Variants in GGNBP2 observed in about 807,000 individuals in gnomAD.
GGNBP2 encodes the protein gametogenetin binding protein 2, also known as gametogenetin-binding protein 2.
A neutral mutation model predicts 85.9 loss-of-function variants in GGNBP2; 10 were observed. That is an observed-to-expected ratio of 0.12 (90% CI 0.07 to 0.20). GGNBP2 has a LOEUF of 0.20. Ranked by LOEUF, GGNBP2 falls within the 10% of genes least tolerant of loss-of-function variation. The probability of loss-of-function intolerance (pLI) is 1.00; values close to 1 mark genes in which losing one functional copy is unlikely to be tolerated. For synonymous variants in GGNBP2, 287 were observed against 285.7 expected (o/e 1.00, Z -0.05); for missense variants, 595 against 857.8 (o/e 0.69, Z 3.83).
Position 36,586,190 on chromosome 17 carries a change from G to A in GGNBP2, c.1633G>A (p.Asp545Asn). ...GAAGAAAAGCAAGATACTGAAATGT[G>A]ATGAACATGTAAGTGTCATAACTTG... is the stretch of plus-strand genomic sequence containing the variant. ...KKKKSKILKC[D>N]EHIQKLGSCI... The change falls in exon 12 of 14, where the codon GAT becomes AAT. Residue 545 changes from aspartate to asparagine, a missense_variant. Asp to Asn is a conservative substitution (Grantham distance 23, BLOSUM62 1). Transcript: ENST00000613102. 6.2e-7 allele frequency: 1 copy of A among 1,611,818 alleles called. No individual in the cohort carries two copies. Among genetic ancestry groups the A allele is most frequent in the Admixed American group, 1.7e-5 (1 of 59,866 alleles).
intron 4 of GGNBP2, among the ~76,000 whole-genome samples, chr17:36,559,283 C>CGAG (rs2074393751): frequency 8.2e-6 from 1 of 121,920 alleles, no homozygotes; most frequent in Admixed American, 1.1e-4. Flanking sequence ...GGCAACAGAG[C>CGAG]GAGACTCTGT....
intron 2 of GGNBP2, among the ~76,000 whole-genome samples, chr17:36,552,123 A>G (rs1320925997): frequency 6.6e-6 from 1 of 152,226 alleles, no homozygotes; most frequent in African/African-American, 2.4e-5. Flanking sequence ...AAATGAAAAT[A>G]TAAATCAAGG....
At chr17:36,550,359 C>T (rs1599496377) in intron 2 of GGNBP2, among the ~76,000 whole-genome samples, 1 of 151,988 alleles carries the variant, frequency 6.6e-6, no homozygotes, top group East Asian at 1.9e-4. Context: ...GCATGTACAG[C>T]ATTAATCTGG....
At position 36,557,137 on chromosome 17, in the gene GGNBP2, C is replaced by T. The variant is rs1244215534; in HGVS notation, c.229C>T (p.Arg77Cys). 10 of 1,614,088 alleles carry T rather than the reference C, an allele frequency of 6.2e-6. No homozygotes were observed. Among genetic ancestry groups the T allele is most frequent in the Non-Finnish European group, 5.9e-6 (7 of 1,180,006 alleles). The change falls in exon 4 of 14, where the codon CGC (arginine) becomes TGC (cysteine). Residue 77 changes from arginine (R) to cysteine (C), a missense_variant. By Grantham distance (180) the Arg-to-Cys change is radical. Around this residue, in one of 9 missense-constraint regions of GGNBP2, gnomAD observed 216 missense variants for 293.4 expected, o/e 0.74. Coordinates refer to ENST00000613102, the MANE Select transcript of GGNBP2 (RefSeq NM_024835.5). ...DLSIAMVVTS[R>C]EVLSALSQLV... is the part of the protein sequence containing the mutation. ...AAGTATTGCCATGGTGGTGACATCA[C>T]GCGAAGTCCTGAGTGCACTTTCTCA... is the stretch of plus-strand genomic sequence containing the variant.
intron 5 of GGNBP2, among the ~76,000 whole-genome samples, chr17:36,562,878 T>C (rs1599516924): frequency 7.2e-6 from 1 of 139,186 alleles, no homozygotes; most frequent in East Asian, 2.1e-4. Context: ...GGCAGGAGAA[T>C]TGCTTGAACC....
At chr17:36,562,643 T>TC (rs1221197487) in intron 5 of GGNBP2, among the ~76,000 whole-genome samples, 1 of 151,436 alleles carries the variant, frequency 6.6e-6, no homozygotes, top group Non-Finnish European at 1.5e-5. Context: ...TAAGTTTTTT[T>TC]CCCCTATACC....
At position 36,579,400 on chromosome 17, in the gene GGNBP2, C is replaced by G; in HGVS notation, c.1001C>G (p.Ala334Gly). The stretch of plus-strand genomic sequence containing the variant: ...ATGCTTTTCTATCTTGGTGTTGATG[C>G]TTTACGCAAGAGTTTTGAGGTAAGA... ...WQMLFYLGVD[A>G]LRKSFEMTVE... Residue 334 changes from alanine (A) to glycine (G), a missense_variant, in exon 8 of 14, where the codon GCT becomes GGT. Physicochemically the swap from Ala to Gly is moderately conservative, Grantham distance 60. Transcript: ENST00000613102. The G allele has an allele frequency of 6.2e-7, 1 of 1,614,120 alleles. No homozygotes were observed. The highest frequency in any genetic ancestry group is 8.5e-7 in the Non-Finnish European group (1 of 1,180,000).
Position 36,581,496 on chromosome 17 carries a change from T to G in GGNBP2, c.1173T>G (p.Thr391=). ...RKNKCVCDIP[T]PLQTADEKEV... is the part of the protein sequence containing the mutation. ...ATAAGTGTGTGTGTGATATTCCTAC[T>G]CCCTTACAAACAGCAGATGAAAAGG... The change falls in exon 9 of 14, where the codon ACT becomes ACG. Residue 391 remains threonine, a synonymous_variant. Coordinates refer to ENST00000613102, the MANE Select transcript of GGNBP2 (RefSeq NM_024835.5). 6.2e-7 allele frequency: 1 copy of G among 1,611,350 alleles called. No individual in the cohort carries two copies.
At chr17:36,560,659 A>C in intron 4 of GGNBP2, 114 bp from the exon 5 acceptor site, 1 of 607,708 alleles carries the variant, frequency 1.6e-6, no homozygotes, top group Non-Finnish European at 2.8e-6. Flanking sequence ...GGATAGAGAA[A>C]AGTGGTTTTT....
Position 36,545,625 on chromosome 17 carries a change from G to A in GGNBP2, c.-100G>A, listed in dbSNP as rs1202214656. ...CGGGGTTTGGCTGTTGCAGGCAGGA[G>A]CTGGGAGGAGGCGGCAGCGGCGGCG... On this transcript the variant is annotated 5_prime_UTR_variant, in exon 2 of 14. Transcript: ENST00000613102. The A allele has an allele frequency of 1.8e-5, 16 of 898,060 alleles. No individual in the cohort carries two copies. In the East Asian group the frequency reaches 4.0e-4, roughly 22 times the overall value. The allele number at this position is 898,060 out of a possible 1,614,324, so 55.6% of individuals were successfully genotyped here. A position where few individuals can be genotyped will look rare whatever the true frequency, so the allele number is the denominator to read the frequency against.
At chr17:36,546,512 T>TGAG (rs2074256953) in intron 2 of GGNBP2, 1 of 152,172 alleles carries the variant, frequency 6.6e-6, no homozygotes, top group Non-Finnish European at 1.5e-5. Flanking sequence ...TTGCTCATCT[T>TGAG]GAGTGTCAAG....
At chr17:36,581,714 T>G in intron 9 of GGNBP2, 176 bp downstream of exon 9, 1 of 395,310 alleles carries the variant, frequency 2.5e-6, no homozygotes, top group Non-Finnish European at 4.5e-6. Context: ...GATCTCTATC[T>G]CTATTTATTT....
intron 8 of GGNBP2, 138 bp downstream of exon 8, chr17:36,579,557 TG>T (rs2074625074): frequency 7.0e-6 from 5 of 709,976 alleles, no homozygotes; most frequent in Non-Finnish European, 1.2e-5. Flanking sequence ...TATTGTTACA[TG>T]GCTTTGGGTT....
Position 36,585,289 on chromosome 17 carries a change from G to C in GGNBP2, c.1216-11G>C, listed in dbSNP as rs2142787504. ...AAGCTCTTGACTCTCTCTTAATGTT[G>C]ATCCTTAAAGGAAACAGACTTCATA... On this transcript the variant is annotated splice_polypyrimidine_tract_variant and intron_variant, in intron 9 of 13. Transcript: ENST00000613102. The C allele has an allele frequency of 3.1e-6, 5 of 1,608,792 alleles. No individual in the cohort carries two copies. In the South Asian group the frequency reaches 5.6e-5, roughly 18 times the overall value.
intron 2 of GGNBP2, among the ~76,000 whole-genome samples, chr17:36,553,278 A>G (rs1181607076): frequency 6.6e-6 from 1 of 152,230 alleles, no homozygotes; most frequent in African/African-American, 2.4e-5. Context: ...TGTGTTGCAC[A>G]TGCAGTCTGG....
intron 6 of GGNBP2, chr17:36,576,595 A>ATATATATATGTG (rs748348633): frequency 3.5e-4 from 18 of 51,492 alleles, no homozygotes; most frequent in South Asian, 9.2e-4. Flanking sequence ...ATATATATAT[A>ATATATATATGTG]TGTGTGTGTG....
At chr17:36,552,785 C>G (rs1005544138) in intron 2 of GGNBP2, among the ~76,000 whole-genome samples, 2 of 152,152 alleles carry the variant, frequency 1.3e-5, no homozygotes, top group Non-Finnish European at 2.9e-5. Context: ...CTTTGGGAGT[C>G]CGAGGCAGGC....
intron 6 of GGNBP2, 103 bp downstream of exon 6, chr17:36,567,879 T>C: frequency 1.7e-6 from 1 of 591,510 alleles, no homozygotes; most frequent in Non-Finnish European, 3.1e-6. Context: ...CATTCTAGCC[T>C]TCCCTTTAAT....
At chr17:36,567,564 G>T in intron 5 of GGNBP2, 99 bp from the exon 6 acceptor site, 1 of 660,084 alleles carries the variant, frequency 1.5e-6, no homozygotes. Context: ...CCAGGGAACA[G>T]CCAGGTAAAA....
Sources: allele counts gnomAD v4.1 joint callset (sites outside exome capture counted in the v4.1 genomes callset), GRCh38; gene constraint gnomAD v4.1.1; regional missense constraint gnomAD v4.1.1; transcripts MANE v1.5; gene names NCBI Gene and HGNC (gene_info 2026-07-23, HGNC 2026-07-21).